The following CLRN1 variants were observed in gnomAD, a reference collection of about 807,000 sequenced individuals.
CLRN1 encodes the protein clarin-1.
Under a neutral mutation model 18.7 loss-of-function variants are expected in CLRN1, and 15 were observed. The observed-to-expected ratio is 0.80, with a 90% CI of 0.54 to 1.23. The LOEUF (loss-of-function observed/expected upper bound fraction) is 1.23. Ranked by LOEUF, CLRN1 falls within the 50% of genes most tolerant of loss-of-function variation. The pLI is 0.00. For synonymous variants in CLRN1, 104 were observed against 102.9 expected (o/e 1.01, Z -0.07); for missense variants, 311 against 277.5 (o/e 1.12, Z -0.86).
chr3:150,949,244 A>G (rs1051796939), intron 1 of CLRN1, among the ~76,000 whole-genome samples: 1 of 152,180 alleles, frequency 6.6e-6, no homozygotes, highest in African/African-American at 2.4e-5. Flanking sequence ...AAACCACCAC[A>G]AACATCGTAC....
intron 1 of CLRN1, among the ~76,000 whole-genome samples, chr3:150,953,998 G>A (rs1446607729): frequency 6.6e-6 from 1 of 152,194 alleles, no homozygotes; most frequent in African/African-American, 2.4e-5. Flanking sequence ...TAAGATTAAA[G>A]TAAAATTAGC....
At position 150,926,590 on chromosome 3, in the gene CLRN1, C is replaced by A; in HGVS notation, c.*1346G>T. 1 of 660,062 alleles carries A rather than the reference C, an allele frequency of 1.5e-6. No homozygotes were observed. The allele number at this position is 660,062 out of a possible 1,614,324, so 40.9% of individuals were successfully genotyped here. A position where few individuals can be genotyped will look rare whatever the true frequency, so the allele number is the denominator to read the frequency against. ...CCAGCATCTGGAAACTCGGTGTGTTCTGATGTCTGCTGGCGAATAGCGAAT... is the reference window on the plus strand; with the variant it reads ...CCAGCATCTGGAAACTCGGTGTGTTATGATGTCTGCTGGCGAATAGCGAAT... On this transcript the variant is annotated 3_prime_UTR_variant, in exon 3 of 3. Coordinates refer to ENST00000327047, the MANE Select transcript of CLRN1 (RefSeq NM_174878.3).
At chr3:150,970,530 G>C (rs1332286968) in intron 1 of CLRN1, among the ~76,000 whole-genome samples, 4 of 144,170 alleles carry the variant, frequency 2.8e-5, no homozygotes, top group Non-Finnish European at 6.2e-5. Context: ...AAAAAAAAAA[G>C]CTCTACTGTA....
intron 1 of CLRN1, among the ~76,000 whole-genome samples, chr3:150,969,313 ATTTTTTTTTT>A (rs1196979915): frequency 9.2e-5 from 4 of 43,548 alleles, no homozygotes; most frequent in South Asian, 1.1e-3. Context: ...ATATATATAT[ATTTTTTTTTT>A]TTTTTTTTTT....
At chr3:150,943,757 T>C in intron 1 of CLRN1, 2 of 1,612,354 alleles carry the variant, frequency 1.2e-6, no homozygotes, top group South Asian at 1.1e-5. Context: ...TGTCCACAGA[T>C]GGCAGAGCTA....
At chr3:150,938,783 C>G (rs994639901) in intron 2 of CLRN1, among the ~76,000 whole-genome samples, 1 of 152,088 alleles carries the variant, frequency 6.6e-6, no homozygotes, top group African/African-American at 2.4e-5. Flanking sequence ...GTTTTTACAA[C>G]AAATTTGAAG....
rs141747453 is a variant in CLRN1 at position 150,964,664 on chromosome 3, A to G, written c.253+7792T>C. Among the ~76,000 whole-genome samples the G allele has an allele frequency of 5.7e-3, 866 of 152,376 alleles. 9 individuals are homozygous for G. Among genetic ancestry groups the G allele is most frequent in the African/African-American group, 0.02 (818 of 41,592 alleles). On this transcript the variant is annotated intron_variant, in intron 1 of 2. Transcript: ENST00000327047. ...GGACTTGGAACTAAGCCAAATGCCC[A>G]TCAATGATAGACTAGATTAAGAAAA...
chr3:150,954,687 C>T (rs1298403896), intron 1 of CLRN1, among the ~76,000 whole-genome samples: 2 of 152,148 alleles, frequency 1.3e-5, no homozygotes, highest in Non-Finnish European at 2.9e-5. Flanking sequence ...TTGCCTAATG[C>T]AAGGTCACAA....
intron 1 of CLRN1, among the ~76,000 whole-genome samples, chr3:150,961,906 G>T (rs1454102367): frequency 6.6e-6 from 1 of 152,130 alleles, no homozygotes; most frequent in African/African-American, 2.4e-5. Context: ...ATGTGGTCAG[G>T]TTGAATGAAA....
intron 1 of CLRN1, among the ~76,000 whole-genome samples, chr3:150,964,842 T>C (rs1407793186): frequency 6.6e-6 from 1 of 151,526 alleles, no homozygotes; most frequent in African/African-American, 2.4e-5. Flanking sequence ...TAAGTGGGAG[T>C]TGAACAATGA....
At chr3:150,969,314 T>TATATATATATATATA (rs1491446852) in intron 1 of CLRN1, among the ~76,000 whole-genome samples, 20 of 35,876 alleles carry the variant, frequency 5.6e-4, no homozygotes, top group African/African-American at 1.8e-3. Context: ...TATATATATA[T>TATATATATATATATA]TTTTTTTTTT....
chr3:150,941,721 G>A lies in CLRN1; in HGVS notation c.294C>T (p.His98=), dbSNP rs774407660. Residue 98 remains histidine (H), a synonymous_variant, in exon 2 of 3, where the codon CAC becomes CAT. Transcript: ENST00000327047. ...DLLKAIPVSI[H]VNVILFSAIL... ...TGGCAGAGAAGAGAATGACATTGAC[G>A]TGGATGCTCACTGGGATTGCTTTGA... is the stretch of plus-strand genomic sequence containing the variant. 2.5e-5 allele frequency: 40 copies of A among 1,614,024 alleles called. No homozygotes were observed. Among genetic ancestry groups the A allele is most frequent in the Non-Finnish European group, 3.4e-5 (40 of 1,179,928 alleles).
At chr3:150,947,460 G>A (rs1714238662) in intron 1 of CLRN1, among the ~76,000 whole-genome samples, 1 of 152,170 alleles carries the variant, frequency 6.6e-6, no homozygotes, top group African/African-American at 2.4e-5. Flanking sequence ...ATAGTAGTAG[G>A]AGACTTCAGT....
At chr3:150,944,028 A>T (rs771072068) in intron 1 of CLRN1, 1 of 960,408 alleles carries the variant, frequency 1.0e-6, no homozygotes, top group Non-Finnish European at 1.6e-6. Context: ...ATAGTGATAC[A>T]TATGATGGAG....
chr3:150,933,716 A>T (rs1421065401), intron 2 of CLRN1, among the ~76,000 whole-genome samples: 1 of 152,202 alleles, frequency 6.6e-6, no homozygotes, highest in Admixed American at 6.6e-5. Context: ...ATAGAAAATG[A>T]TTAAGCATTT....
intron 1 of CLRN1, among the ~76,000 whole-genome samples, chr3:150,949,982 G>C (rs1714398720): frequency 6.6e-6 from 1 of 152,078 alleles, no homozygotes; most frequent in Admixed American, 6.5e-5. Context: ...CAAATGAACA[G>C]GATAGAGAGC....
chr3:150,931,957 A>G (rs1713175933), intron 2 of CLRN1, among the ~76,000 whole-genome samples: 1 of 152,174 alleles, frequency 6.6e-6, no homozygotes, highest in Non-Finnish European at 1.5e-5. Context: ...CACAAGGCCC[A>G]GGTTTTGCTG....
chr3:150,931,196 T>C (rs376958744), intron 2 of CLRN1, among the ~76,000 whole-genome samples: 1 of 152,250 alleles, frequency 6.6e-6, no homozygotes, highest in Non-Finnish European at 1.5e-5. Flanking sequence ...TTATGACTTA[T>C]GGACCAAAAG....
At position 150,972,546 on chromosome 3, in the gene CLRN1, C is replaced by T; in HGVS notation, c.163G>A (p.Asp55Asn). ...TACTGCATTTCACCCATAAACTTGTCCAGCTCCTGCCCTGAGGCATTGACG... is the reference window on the plus strand; with the variant it reads ...TACTGCATTTCACCCATAAACTTGTTCAGCTCCTGCCCTGAGGCATTGACG... ...LLVNASGQEL[D>N]KFMGEMQYGL... Residue 55 changes from aspartate to asparagine, a missense_variant, in exon 1 of 3, where the codon GAC becomes AAC. By Grantham distance (23) the Asp-to-Asn change is conservative (BLOSUM62 1). Transcript: ENST00000327047. 6.2e-7 allele frequency: 1 copy of T among 1,614,266 alleles called. No individual in the cohort carries two copies. The highest frequency in any genetic ancestry group is 8.5e-7 in the Non-Finnish European group (1 of 1,180,050).
Sources: gnomAD v4.1 joint callset for allele counts (sites outside exome capture counted in the v4.1 genomes callset) on GRCh38, gnomAD v4.1.1 for gene constraint, MANE v1.5 for transcripts, NCBI Gene and HGNC (gene_info 2026-07-23, HGNC 2026-07-21) for gene names.